ABLIM1: variants seen among roughly 807,000 people sequenced by gnomAD.
ABLIM1 encodes actin binding LIM protein 1, also known as actin-binding LIM protein 1.
A neutral mutation model predicts 107.0 loss-of-function variants in ABLIM1; 40 were observed. That is an observed-to-expected ratio of 0.37 (90% CI 0.29 to 0.49). The LOEUF is 0.49. ABLIM1 is among the 20% of genes least tolerant of loss of function. The pLI is 0.97. For missense variants in ABLIM1, 857 were observed against 1,008.5 expected (o/e 0.85, Z 2.04); for synonymous variants, 357 against 357.3 (o/e 1.00, Z 0.01).
chr10:114,465,446 C>A (rs1029337601), intron 12 of ABLIM1: 8 of 320,598 alleles, frequency 2.5e-5, no homozygotes, highest in South Asian at 2.8e-4. Context: ...TTTAAAAAAA[C>A]CCCTTGCTTC....
At chr10:114,521,384 T>C (rs1222418335) in intron 6 of ABLIM1, among the ~76,000 whole-genome samples, 1 of 152,258 alleles carries the variant, frequency 6.6e-6, no homozygotes, top group African/African-American at 2.4e-5. Context: ...TGATGAAGTA[T>C]GCTTATAAAG....
chr10:114,624,737 A>G (rs772413200), intron 1 of ABLIM1, among the ~76,000 whole-genome samples: 2 of 151,816 alleles, frequency 1.3e-5, no homozygotes, highest in East Asian at 1.9e-4. Context: ...TTAGACATCA[A>G]TTAGTTGGTG....
the ABLIM1 span, among the ~76,000 whole-genome samples, chr10:114,794,529 T>A: frequency 1.2e-4 from 19 of 152,372 alleles, no homozygotes; most frequent in South Asian, 3.9e-3. Flanking sequence ...ATCTGAGGTT[T>A]CTGAAAAATG....
In ABLIM1 at chr10:114,644,310, T is replaced by A. The variant is rs867020576; in HGVS notation, c.244+13647A>T. Among the ~76,000 whole-genome samples, 736 of 80,646 alleles carry A rather than the reference T, an allele frequency of 9.1e-3. 7 individuals carry two copies. Among genetic ancestry groups the A allele is most frequent in the African/African-American group, 0.031 (365 of 11,832 alleles). The allele number at this position is 80,646 out of a possible 152,430, so 52.9% of individuals were successfully genotyped here. A position where few individuals can be genotyped will look rare whatever the true frequency, so the allele number is the denominator to read the frequency against. On this transcript the variant is annotated intron_variant, in intron 1 of 22. Coordinates refer to ENST00000533213, the MANE Select transcript of ABLIM1 (RefSeq NM_002313.7). ...AAAAAAAAAAAAAAAAAAAAAAATA[T>A]ATATATATATATATATATATGTGTA...
intron 1 of ABLIM1, among the ~76,000 whole-genome samples, chr10:114,649,785 T>C (rs1347710139): frequency 6.6e-6 from 1 of 152,136 alleles, no homozygotes; most frequent in Non-Finnish European, 1.5e-5. Flanking sequence ...TTGTAGTCCA[T>C]AGACAAATCA....
In ABLIM1 at chr10:114,739,535, A is replaced by G. The variant is rs1217642664; in HGVS notation, c.-213+28526T>C. ...TAGAACAAAAGCATTGTTTGAAAGT[A>G]TTAATTCTGGTATGTAGAACCATTG... On this transcript the variant is annotated intron_variant, in intron 1 of 15. Coordinates refer to the ABLIM1 transcript ENST00000651092. Among the ~76,000 whole-genome samples the G allele has an allele frequency of 5.3e-4, 80 of 152,214 alleles. 2 individuals are homozygous for G. The highest frequency in any genetic ancestry group is 5.9e-5 in the Non-Finnish European group (4 of 68,030).
chr10:114,784,684 G>GA, the ABLIM1 span, among the ~76,000 whole-genome samples: 1 of 60,542 alleles, frequency 1.7e-5, no homozygotes, highest in Non-Finnish European at 3.4e-5. Flanking sequence ...AAAAAAAAAA[G>GA]AAAAAGAAAA....
intron 8 of ABLIM1, among the ~76,000 whole-genome samples, chr10:114,486,374 A>G (rs983042378): frequency 1.3e-5 from 2 of 152,220 alleles, no homozygotes; most frequent in Non-Finnish European, 2.9e-5. Context: ...AACACTGGAG[A>G]GAGAGTACAA....
chr10:114,565,026 GAT>G (rs2070458941), intron 4 of ABLIM1, among the ~76,000 whole-genome samples: 1 of 152,190 alleles, frequency 6.6e-6, no homozygotes, highest in Non-Finnish European at 1.5e-5. Flanking sequence ...AAGAAACAGA[GAT>G]ATAGAAAGAT....
At chr10:114,718,855 AAATG>A (rs1189680363) in intron 1 of ABLIM1, among the ~76,000 whole-genome samples, 3 of 152,234 alleles carry the variant, frequency 2.0e-5, no homozygotes, top group Admixed American at 2.0e-4. Context: ...TTCATGTATG[AAATG>A]AATAAGATAA....
intron 1 of ABLIM1, among the ~76,000 whole-genome samples, chr10:114,618,640 C>G (rs551148342): frequency 2.3e-4 from 35 of 152,326 alleles, no homozygotes; most frequent in African/African-American, 8.4e-4. Context: ...GCCCCCAACT[C>G]AGATGAGAAC....
At chr10:114,513,725 T>C (rs533659116) in intron 6 of ABLIM1, among the ~76,000 whole-genome samples, 2 of 152,316 alleles carry the variant, frequency 1.3e-5, no homozygotes, top group Non-Finnish European at 2.9e-5. Context: ...TTCTTAGTGC[T>C]TCCTGTCTAG....
Position 114,440,924 on chromosome 10 carries a change from T to C in ABLIM1, c.2059+93A>G. On this transcript the variant is annotated intron_variant, in intron 19 of 22. Transcript: ENST00000533213. ...ATGTGATCCTACTCTAAGGATACAA[T>C]ACAGCATGAACACAGCCAGTATACT... 3.3e-6 allele frequency: 4 copies of C among 1,227,334 alleles called. No homozygotes were observed. In the South Asian group the frequency reaches 5.1e-5, roughly 16 times the overall value. The allele number at this position is 1,227,334 out of a possible 1,614,324, so 76.0% of individuals were successfully genotyped here. A position where few individuals can be genotyped will look rare whatever the true frequency, so the allele number is the denominator to read the frequency against.
intron 6 of ABLIM1, among the ~76,000 whole-genome samples, chr10:114,522,069 G>A (rs73357368): frequency 0.016 from 2,470 of 152,238 alleles, 78 homozygotes; most frequent in African/African-American, 0.057. Flanking sequence ...GCCCAGAGAT[G>A]GACAGTGTCT....
At chr10:114,718,872 A>G (rs935035477) in intron 1 of ABLIM1, among the ~76,000 whole-genome samples, 1 of 152,244 alleles carries the variant, frequency 6.6e-6, no homozygotes, top group Non-Finnish European at 1.5e-5. Context: ...TAAGATAAAT[A>G]TGCGTATACA....
chr10:114,769,636 T>G (rs2082998946), upstream of ABLIM1, among the ~76,000 whole-genome samples: 1 of 152,150 alleles, frequency 6.6e-6, no homozygotes, highest in African/African-American at 2.4e-5. Context: ...TCCATCCTGA[T>G]GTGATGGGAA....
intron 14 of ABLIM1, among the ~76,000 whole-genome samples, chr10:114,448,992 T>A (rs541040881): frequency 1.3e-5 from 2 of 152,232 alleles, no homozygotes. Flanking sequence ...AAATCCACTT[T>A]CAGCTTGCAG....
chr10:114,705,546 G>C (rs369444774), intron 1 of ABLIM1, among the ~76,000 whole-genome samples: 18 of 152,248 alleles, frequency 1.2e-4, no homozygotes, highest in African/African-American at 4.3e-4. Flanking sequence ...TGAAGGAAAC[G>C]GGAAATGGAG....
chr10:114,459,075 G>A (rs909223867), intron 12 of ABLIM1, among the ~76,000 whole-genome samples: 42 of 152,232 alleles, frequency 2.8e-4, no homozygotes, highest in Admixed American at 2.7e-3. Flanking sequence ...GGCGTCCTCA[G>A]CTCAGTGAGG....
Sources: gnomAD v4.1 joint callset for allele counts (sites outside exome capture counted in the v4.1 genomes callset) on GRCh38, gnomAD v4.1.1 for gene constraint, MANE v1.5 for transcripts, NCBI Gene and HGNC (gene_info 2026-07-23, HGNC 2026-07-21) for gene names.